FERMT3: variants seen among roughly 807,000 people sequenced by gnomAD.
The protein encoded by FERMT3 is fermitin family homolog 3.
A neutral mutation model predicts 80.8 loss-of-function variants in FERMT3; 33 were observed. That is an observed-to-expected ratio of 0.41 (90% CI 0.31 to 0.55). FERMT3 has a LOEUF of 0.55. Among genes scored for constraint, FERMT3 ranks in the 20% least tolerant of loss-of-function variants. FERMT3 has a pLI of 0.31. For missense variants in FERMT3, 754 were observed against 908.7 expected, an observed-to-expected ratio of 0.83 and a Z score of 2.19; for synonymous variants, 375 against 372.2, an observed-to-expected ratio of 1.01 and a Z score of -0.09.
At chr11:64,206,002 G>GATA (rs1328260522), upstream of FERMT3, among the ~76,000 whole-genome samples, 1 of 152,170 alleles carries the variant, frequency 6.6e-6, no homozygotes, top group Non-Finnish European at 1.5e-5. Flanking sequence ...TGAGCAGGAG[G>GATA]GTATAGACCA....
intron 6 of FERMT3, among the ~76,000 whole-genome samples, chr11:64,213,538 C>T (rs1946486590): frequency 6.6e-6 from 1 of 150,864 alleles, no homozygotes; most frequent in Non-Finnish European, 1.5e-5. Context: ...TAGGAGCGAG[C>T]CACTGCGCCT....
At position 64,223,572 on chromosome 11, in the gene FERMT3, C is replaced by T; in HGVS notation, c.*80C>T. Reference sequence around the variant, plus strand: ...CCCACACCCACAGGGGCTCACTGCCCCACACCCGCTCCAGGCAGGCACCCA... The same window carrying T: ...CCCACACCCACAGGGGCTCACTGCCTCACACCCGCTCCAGGCAGGCACCCA... On this transcript the variant is annotated 3_prime_UTR_variant, in exon 15 of 15. Transcript: ENST00000345728. 6.7e-7 allele frequency: 1 copy of T among 1,489,362 alleles called. No individual in the cohort carries two copies. The highest frequency in any genetic ancestry group is 9.1e-7 in the Non-Finnish European group (1 of 1,101,906). 92.3% of individuals were successfully genotyped at this position (1,489,362 alleles called of 1,614,324 possible). A position where few individuals can be genotyped will look rare whatever the true frequency, so the allele number is the denominator to read the frequency against.
rs967695253 is a variant in FERMT3, at chr11:64,211,567, TC to T, written c.684-72del. On this transcript the variant is annotated intron_variant, in intron 5 of 14. Transcript: ENST00000345728. The surrounding 1 kb of genome is among the most constrained non-coding windows in gnomAD (Gnocchi z 4.7). ...CAGGCCTTTTCTCTGTGTGTGCTTG[TC>T]CCCCCAGCCCAGCCCCCCTCCCCAC... 1.3e-6 allele frequency: 2 copies of T among 1,520,508 alleles called. No individual in the cohort carries two copies. The highest frequency in any genetic ancestry group is 1.8e-6 in the Non-Finnish European group (2 of 1,122,622). 94.2% of individuals were successfully genotyped at this position (1,520,508 alleles called of 1,614,324 possible).
Position 64,210,340 on chromosome 11 carries a change from G to T in FERMT3, c.161-271G>T, listed in dbSNP as rs763802995. On this transcript the variant is annotated intron_variant, in intron 2 of 14. Coordinates refer to ENST00000345728, the MANE Select transcript of FERMT3 (RefSeq NM_031471.6). The surrounding 1 kb of genome is among the most constrained non-coding windows in gnomAD (Gnocchi z 4.3). ...TGGGCTGGAATGCAAGAGATGGGGC[G>T]CTAAGATTGGGGCACTCAGATGCTG... 2.0e-5 allele frequency among the ~76,000 whole-genome samples: 3 copies of T among 152,194 alleles called. No homozygotes were observed. Among genetic ancestry groups the T allele is most frequent in the African/African-American group, 2.4e-5 (1 of 41,458 alleles).
intron 2 of FERMT3, among the ~76,000 whole-genome samples, chr11:64,209,898 A>T (rs779877514): frequency 5.0e-4 from 76 of 152,036 alleles, no homozygotes; most frequent in Admixed American, 9.2e-4. Context: ...AGGCGGGGAG[A>T]CCTGTGCCTT....
At chr11:64,217,459 G>C (rs1401436499) in intron 6 of FERMT3, among the ~76,000 whole-genome samples, 1 of 152,140 alleles carries the variant, frequency 6.6e-6, no homozygotes, top group Admixed American at 6.6e-5. Context: ...TGAGGCAGGA[G>C]AATCGCTTGA....
At position 64,219,290 on chromosome 11, in the gene FERMT3, C is replaced by A; in HGVS notation, c.826C>A (p.Arg276=). 2 of 1,608,498 alleles carry A rather than the reference C, an allele frequency of 1.2e-6. No homozygotes were observed. Among genetic ancestry groups the A allele is most frequent in the East Asian group, 2.2e-5 (1 of 44,532 alleles). The change falls in exon 7 of 15, where the codon CGG becomes AGG. Residue 276 remains arginine, a synonymous_variant. Coordinates refer to ENST00000345728, the MANE Select transcript of FERMT3 (RefSeq NM_031471.6). The surrounding 1 kb of genome is among the most constrained non-coding windows in gnomAD (Gnocchi z 4.0). The stretch of plus-strand genomic sequence containing the variant: ...GCTGACACAGCTGTATGAGCAGGCC[C>A]GGTGGGACCTGCTGCTGGAGGAGAT... The part of the protein sequence containing the change: ...VRLTQLYEQA[R]WDLLLEEIDC...
At chr11:64,208,701 G>A (rs1232329231) in intron 2 of FERMT3, among the ~76,000 whole-genome samples, 1 of 152,216 alleles carries the variant, frequency 6.6e-6, no homozygotes, top group African/African-American at 2.4e-5. Context: ...GAGAAGTCCT[G>A]AGAGGTGGCC....
In FERMT3 at chr11:64,211,966, C is replaced by T. The variant is rs979049570; in HGVS notation, c.786+219C>T. Reference sequence around the variant, plus strand: ...CCTGGGCCCCGGGCAGATGCTGAAGCGGATGAAGACCAGTAAGTCTCAGTG... The same window carrying T: ...CCTGGGCCCCGGGCAGATGCTGAAGTGGATGAAGACCAGTAAGTCTCAGTG... On this transcript the variant is annotated intron_variant, in intron 6 of 14. Coordinates refer to ENST00000345728, the MANE Select transcript of FERMT3 (RefSeq NM_031471.6). This position sits in a 1 kb window ranked among gnomAD's most constrained non-coding sequence, Gnocchi z 4.7. Among the ~76,000 whole-genome samples, 7 of 152,324 alleles carry T rather than the reference C, an allele frequency of 4.6e-5. No homozygotes were observed. The highest frequency in any genetic ancestry group is 2.1e-4 in the South Asian group (1 of 4,830).
At position 64,223,124 on chromosome 11, in the gene FERMT3, G is replaced by A. The variant is rs772113837; in HGVS notation, c.1747G>A (p.Asp583Asn). 16 of 1,613,818 alleles carry A rather than the reference G, an allele frequency of 9.9e-6. No individual in the cohort carries two copies. Among genetic ancestry groups the A allele is most frequent in the Middle Eastern group, 1.6e-4 (1 of 6,084 alleles). Residue 583 changes from aspartate (D) to asparagine (N), a missense_variant, in exon 14 of 15, where the codon GAC (aspartate) becomes AAC (asparagine). Physicochemically the swap from Asp to Asn is conservative, Grantham distance 23. Transcript: ENST00000345728. Reference protein sequence around the residue: ...RLIRIDLAVGDVVKTWRFSNM... With the variant: ...RLIRIDLAVGNVVKTWRFSNM... Reference sequence around the variant, plus strand: ...GATCCGCATCGACTTGGCCGTGGGCGACGTGGTCAAGACCTGGCGTTTCAG... The same window carrying A: ...GATCCGCATCGACTTGGCCGTGGGCAACGTGGTCAAGACCTGGCGTTTCAG...
upstream of FERMT3, among the ~76,000 whole-genome samples, chr11:64,206,139 C>G (rs1351493928): frequency 6.6e-6 from 1 of 152,050 alleles, no homozygotes; most frequent in African/African-American, 2.4e-5. Context: ...ACCTGAGGGC[C>G]CGGGAGGTTG....
intron 6 of FERMT3, among the ~76,000 whole-genome samples, chr11:64,214,000 A>C (rs1254355096): frequency 5.3e-5 from 8 of 152,162 alleles, no homozygotes. Context: ...CACAATACAC[A>C]CATTTCCTTG....
intron 14 of FERMT3, 47 bp from the exon 15 acceptor site, chr11:64,223,266 C>G: frequency 6.2e-7 from 1 of 1,613,010 alleles, no homozygotes; most frequent in Non-Finnish European, 8.5e-7. Context: ...GGGGCAGGGG[C>G]TGCTCCCTTA....
rs1946431608 is a variant in FERMT3 at position 64,211,269 on chromosome 11, C to T, written c.515-6C>T. ...AGGCCTGGTTGACTCCCAACCTGCACTCCAGGCGTGGCACCTGCACTGTTC... is the reference window on the plus strand; with the variant it reads ...AGGCCTGGTTGACTCCCAACCTGCATTCCAGGCGTGGCACCTGCACTGTTC... On this transcript the variant is annotated splice_region_variant and splice_polypyrimidine_tract_variant and intron_variant, in intron 4 of 14. Transcript: ENST00000345728. The surrounding 1 kb of genome is among the most constrained non-coding windows in gnomAD (Gnocchi z 4.7). 3.7e-6 allele frequency: 6 copies of T among 1,613,294 alleles called. No individual in the cohort carries two copies. The highest frequency in any genetic ancestry group is 3.4e-6 in the Non-Finnish European group (4 of 1,179,864).
In FERMT3 at chr11:64,221,013, C is replaced by T. The variant is rs1260631448; in HGVS notation, c.1546-3C>T. 2 of 1,611,878 alleles carry T rather than the reference C, an allele frequency of 1.2e-6. No homozygotes were observed. The highest frequency in any genetic ancestry group is 2.2e-5 in the East Asian group (1 of 44,886). On this transcript the variant is annotated splice_polypyrimidine_tract_variant and splice_region_variant and intron_variant, in intron 12 of 14. Transcript: ENST00000345728. ...GCAGCCCGTCACCAGTATGGTCCCG[C>T]AGCTCACCCCACGGATCCTGGAAGC...
chr11:64,213,112 G>A (rs1417141565), intron 6 of FERMT3, among the ~76,000 whole-genome samples: 2 of 151,370 alleles, frequency 1.3e-5, no homozygotes, highest in East Asian at 3.9e-4. Flanking sequence ...CTAGAGTGCA[G>A]TGGTGCAATC....
Position 64,210,216 on chromosome 11 carries a change from G to A in FERMT3, c.161-395G>A, listed in dbSNP as rs577861099. ...GAGGACATACAACGGTGAGACAGAC[G>A]TAGTCTCTGCCTCCAGGAGCTCCCC... On this transcript the variant is annotated intron_variant, in intron 2 of 14. Transcript: ENST00000345728. This position sits in a 1 kb window ranked among gnomAD's most constrained non-coding sequence, Gnocchi z 4.3. Among the ~76,000 whole-genome samples, 169 of 152,320 alleles carry A rather than the reference G, an allele frequency of 1.1e-3. No individual in the cohort carries two copies. The highest frequency in any genetic ancestry group is 1.8e-3 in the Non-Finnish European group (123 of 68,016).
In FERMT3 at chr11:64,211,598, C is replaced by T. The variant is rs373205049; in HGVS notation, c.684-47C>T. Reference sequence around the variant, plus strand: ...CAGCCCAGCCCCCCTCCCCACCCCACGGCCGTACCTGGCGCAGCCCTGACT... The same window carrying T: ...CAGCCCAGCCCCCCTCCCCACCCCATGGCCGTACCTGGCGCAGCCCTGACT... On this transcript the variant is annotated intron_variant, in intron 5 of 14. Coordinates refer to ENST00000345728, the MANE Select transcript of FERMT3 (RefSeq NM_031471.6). The surrounding 1 kb of genome is among the most constrained non-coding windows in gnomAD (Gnocchi z 4.7). 69 of 1,593,328 alleles carry T rather than the reference C, an allele frequency of 4.3e-5. No homozygotes were observed. The highest frequency in any genetic ancestry group is 9.0e-5 in the East Asian group (4 of 44,632).
At chr11:64,221,342 G>A (rs766840835) in intron 13 of FERMT3, among the ~76,000 whole-genome samples, 1 of 152,204 alleles carries the variant, frequency 6.6e-6, no homozygotes, top group Non-Finnish European at 1.5e-5. Flanking sequence ...AAGAGACAAA[G>A]CTCACGCCAG....
Sources: allele counts gnomAD v4.1 joint callset (sites outside exome capture counted in the v4.1 genomes callset), GRCh38; gene constraint gnomAD v4.1.1; non-coding constraint Gnocchi (gnomAD v3.1); transcripts MANE v1.5; gene names NCBI Gene and HGNC (gene_info 2026-07-23, HGNC 2026-07-21).